AK3: variants seen among roughly 807,000 people sequenced by gnomAD.
The protein encoded by AK3 is GTP:AMP phosphotransferase AK3, mitochondrial.
AK3 carries 27 observed loss-of-function variants against 23.7 expected under a neutral mutation model. That is an observed-to-expected ratio of 1.14 (90% confidence interval 0.84 to 1.57). AK3 has a LOEUF of 1.57. Ranked by LOEUF, AK3 falls within the 40% of genes most tolerant of loss-of-function variation. The pLI is 0.00. For synonymous variants in AK3, 159 were observed against 116.0 expected (o/e 1.37, Z -2.38); for missense variants, 406 against 285.6 (o/e 1.42, Z -3.04).
intron 1 of AK3, among the ~76,000 whole-genome samples, chr9:4,730,735 G>A (rs1376789443): frequency 6.6e-6 from 1 of 152,064 alleles, no homozygotes; most frequent in Non-Finnish European, 1.5e-5. Flanking sequence ...GATTTAATTA[G>A]AACAAGACAG....
intron 1 of AK3, among the ~76,000 whole-genome samples, chr9:4,735,397 A>C (rs1295990295): frequency 2.3e-4 from 28 of 122,710 alleles, no homozygotes; most frequent in South Asian, 4.5e-4. Flanking sequence ...ATAAATATAT[A>C]TACATATATA....
At chr9:4,734,594 C>G (rs149136893) in intron 1 of AK3, among the ~76,000 whole-genome samples, 2 of 152,244 alleles carry the variant, frequency 1.3e-5, no homozygotes, top group African/African-American at 2.4e-5. Flanking sequence ...TTTTAAAAGG[C>G]CTAACTTATT....
At chr9:4,727,161 G>A (rs754699508) in intron 1 of AK3, among the ~76,000 whole-genome samples, 6 of 152,056 alleles carry the variant, frequency 3.9e-5, no homozygotes, top group African/African-American at 7.2e-5. Flanking sequence ...CAAGACCCTC[G>A]GATTTTTGGA....
At chr9:4,735,834 G>A (rs1443550075) in intron 1 of AK3, among the ~76,000 whole-genome samples, 3 of 151,620 alleles carry the variant, frequency 2.0e-5, no homozygotes, top group Non-Finnish European at 4.4e-5. Context: ...ATTGATGAAG[G>A]CCAGGTGCAG....
At chr9:4,717,590 C>A (rs7029742) in intron 4 of AK3, among the ~76,000 whole-genome samples, 3 of 152,174 alleles carry the variant, frequency 2.0e-5, no homozygotes, top group Non-Finnish European at 4.4e-5. Flanking sequence ...TTATTCAATG[C>A]AGGATTTTTC....
At chr9:4,724,584 G>A (rs751961682) in intron 1 of AK3, among the ~76,000 whole-genome samples, 1 of 152,156 alleles carries the variant, frequency 6.6e-6, no homozygotes, top group African/African-American at 2.4e-5. Context: ...TTTGAGACCA[G>A]CTTAGGCAAC....
At chr9:4,736,808 G>A (rs1563799772) in intron 1 of AK3, among the ~76,000 whole-genome samples, 1 of 151,744 alleles carries the variant, frequency 6.6e-6, no homozygotes, top group Non-Finnish European at 1.5e-5. Context: ...CTCTCAGAGA[G>A]CTGAGACTTC....
rs757819525 is a variant in AK3, at chr9:4,713,043, G to C, written c.617C>G (p.Pro206Arg). The C allele has an allele frequency of 9.9e-5, 160 of 1,613,362 alleles. 1 individual carries two copies. The South Asian group carries it at 1.6e-3, about 16-fold the overall frequency. Residue 206 changes from proline to arginine, a missense_variant, in exon 5 of 5, where the codon CCC becomes CGC. Physicochemically the swap from Pro to Arg is moderately radical, Grantham distance 103. Coordinates refer to ENST00000381809, the MANE Select transcript of AK3 (RefSeq NM_016282.4). The part of the protein sequence containing the change: ...FSGTETNKIW[P>R]YVYAFLQTKV... The stretch of plus-strand genomic sequence containing the variant: ...AGTTTGTAGGAAAGCATATACATAG[G>C]GCCAAATCTTGTTGGTTTCTGTTCC...
intron 4 of AK3, among the ~76,000 whole-genome samples, chr9:4,716,183 G>C (rs1841721163): frequency 1.3e-5 from 2 of 152,090 alleles, no homozygotes; most frequent in Non-Finnish European, 2.9e-5. Flanking sequence ...TGCTTAACCT[G>C]GTGTGAATTA....
upstream of AK3, chr9:4,741,234 A>G: frequency 1.1e-6 from 1 of 935,338 alleles, no homozygotes. Context: ...AAGTGAGCCG[A>G]CAGCCCCTGG....
intron 1 of AK3, among the ~76,000 whole-genome samples, chr9:4,729,027 T>TTA (rs1842092467): frequency 2.1e-5 from 3 of 141,164 alleles, no homozygotes; most frequent in South Asian, 2.3e-4. Context: ...TTTTTTTTTT[T>TTA]GAGACGGAAT....
intron 1 of AK3, among the ~76,000 whole-genome samples, chr9:4,725,727 C>T (rs565513048): frequency 1.2e-3 from 186 of 152,260 alleles, no homozygotes; most frequent in Non-Finnish European, 2.0e-3. Flanking sequence ...ACTCTTACAA[C>T]TCAATTTTAA....
At chr9:4,730,639 G>T (rs1304223910) in intron 1 of AK3, among the ~76,000 whole-genome samples, 1 of 152,042 alleles carries the variant, frequency 6.6e-6, no homozygotes, top group Non-Finnish European at 1.5e-5. Flanking sequence ...CAGGTATTTT[G>T]AGTTTTGTTT....
chr9:4,723,967 T>C (rs1293708243), intron 1 of AK3, among the ~76,000 whole-genome samples: 1 of 152,156 alleles, frequency 6.6e-6, no homozygotes, highest in African/African-American at 2.4e-5. Context: ...CCAAAACAGA[T>C]TCTAAATTGT....
At chr9:4,738,450 G>C (rs779153955) in intron 1 of AK3, among the ~76,000 whole-genome samples, 2 of 152,292 alleles carry the variant, frequency 1.3e-5, no homozygotes, top group East Asian at 3.9e-4. Context: ...ACAGGCGTGA[G>C]ACACCCCGCC....
chr9:4,727,235 C>A (rs949587145), intron 1 of AK3, among the ~76,000 whole-genome samples: 1 of 152,208 alleles, frequency 6.6e-6, no homozygotes, highest in Non-Finnish European at 1.5e-5. Flanking sequence ...GCAAGAGAGT[C>A]AGCCTGTCCT....
At chr9:4,724,372 C>T (rs1041752527) in intron 1 of AK3, among the ~76,000 whole-genome samples, 5 of 152,144 alleles carry the variant, frequency 3.3e-5, no homozygotes, top group African/African-American at 1.2e-4. Flanking sequence ...TAAATCCGAA[C>T]CAGCTGCAGC....
At chr9:4,715,391 CTTTTTTTT>C (rs35400602) in intron 4 of AK3, among the ~76,000 whole-genome samples, 1 of 127,122 alleles carries the variant, frequency 7.9e-6, no homozygotes. Context: ...TCCCTTACTA[CTTTTTTTT>C]TTTTTTTTTT....
chr9:4,737,700 CAG>C (rs1370512777), intron 1 of AK3, among the ~76,000 whole-genome samples: 6 of 152,132 alleles, frequency 3.9e-5, no homozygotes, highest in Admixed American at 1.3e-4. Context: ...GCCTGGGCGA[CAG>C]AGTGGGGACT....
Sources: allele counts gnomAD v4.1 joint callset (sites outside exome capture counted in the v4.1 genomes callset), GRCh38; gene constraint gnomAD v4.1.1; transcripts MANE v1.5; gene names NCBI Gene and HGNC (gene_info 2026-07-23, HGNC 2026-07-21).